The following MSRB3 variants were observed in gnomAD, a reference collection of about 807,000 sequenced individuals.
MSRB3 encodes methionine sulfoxide reductase B3, also known as methionine-R-sulfoxide reductase B3.
MSRB3 carries 13 observed loss-of-function variants against 21.0 expected under a neutral mutation model. The ratio of observed to expected loss-of-function variants is 0.62; its 90% CI spans 0.40 to 0.98. The LOEUF (loss-of-function observed/expected upper bound fraction) is 0.98. Among genes scored for constraint, MSRB3 ranks in the 50% least tolerant of loss-of-function variants. The pLI is 0.00. For synonymous variants in MSRB3, 87 were observed against 88.6 expected, an observed-to-expected ratio of 0.98 and a Z score of 0.10; for missense variants, 199 against 230.3, an observed-to-expected ratio of 0.86 and a Z score of 0.88.
At chr12:65,381,949 G>A (rs1878960777) in intron 5 of MSRB3, among the ~76,000 whole-genome samples, 1 of 151,850 alleles carries the variant, frequency 6.6e-6, no homozygotes, top group East Asian at 1.9e-4. Flanking sequence ...ATATATTTAA[G>A]ATGTATAATT....
intron 5 of MSRB3, chr12:65,418,582 C>G: frequency 1.8e-6 from 1 of 560,942 alleles, no homozygotes; most frequent in South Asian, 2.4e-5. Context: ...TGTCATGGAG[C>G]TTTTCCCTGT....
chr12:65,401,797 C>A (rs1880141221), intron 5 of MSRB3, among the ~76,000 whole-genome samples: 1 of 152,156 alleles, frequency 6.6e-6, no homozygotes, highest in Admixed American at 6.5e-5. Context: ...TCTTATAAGG[C>A]AAGCCTGGTG....
intron 4 of MSRB3, among the ~76,000 whole-genome samples, chr12:65,366,114 T>C (rs1877997067): frequency 6.6e-6 from 1 of 152,164 alleles, no homozygotes; most frequent in South Asian, 2.1e-4. Context: ...CCCCAGGTGC[T>C]CTCAGCCACT....
At chr12:65,429,967 G>A (rs527348038) in intron 5 of MSRB3, among the ~76,000 whole-genome samples, 15 of 152,282 alleles carry the variant, frequency 9.9e-5, no homozygotes, top group African/African-American at 3.4e-4. Context: ...CAGAAAGTTA[G>A]TGTAGAATCC....
chr12:65,455,829 C>T (rs559403642), intron 6 of MSRB3, among the ~76,000 whole-genome samples: 7 of 152,182 alleles, frequency 4.6e-5, no homozygotes, highest in Admixed American at 2.0e-4. Context: ...CTCCACCCGC[C>T]GAGCTCAAGC....
intron 6 of MSRB3, 108 bp downstream of exon 6, chr12:65,453,933 A>T: frequency 1.1e-6 from 1 of 905,018 alleles, no homozygotes; most frequent in Non-Finnish European, 1.8e-6. Flanking sequence ...ACAGACAAGC[A>T]TGACGAAGTT....
chr12:65,401,215 A>G (rs1251074159), intron 5 of MSRB3, among the ~76,000 whole-genome samples: 1 of 152,084 alleles, frequency 6.6e-6, no homozygotes, highest in Non-Finnish European at 1.5e-5. Flanking sequence ...TGGGGTGTTA[A>G]TGTCTCCCAC....
intron 4 of MSRB3, among the ~76,000 whole-genome samples, chr12:65,335,368 G>A (rs1225410340): frequency 6.6e-6 from 1 of 152,146 alleles, no homozygotes; most frequent in Non-Finnish European, 1.5e-5. Context: ...ATTTCAAATG[G>A]AACTCTGCTG....
intron 2 of MSRB3, among the ~76,000 whole-genome samples, chr12:65,320,812 A>C (rs1394312034): frequency 6.6e-6 from 1 of 152,210 alleles, no homozygotes; most frequent in Non-Finnish European, 1.5e-5. Context: ...TCCTGGTTTA[A>C]AAGCATATGT....
At chr12:65,393,630 C>CAAAA (rs59417371) in intron 5 of MSRB3, among the ~76,000 whole-genome samples, 2 of 90,662 alleles carry the variant, frequency 2.2e-5, no homozygotes, top group Non-Finnish European at 4.3e-5. Flanking sequence ...GACTCCGTCG[C>CAAAA]AAAAAAAAAA....
chr12:65,454,093 G>A (rs559212656), intron 6 of MSRB3: 147 of 617,344 alleles, frequency 2.4e-4, no homozygotes, highest in African/African-American at 1.9e-3. Context: ...AGACGAGTCC[G>A]GGCAACCTAG....
At position 65,419,425 on chromosome 12, in the gene MSRB3, A is replaced by G. The variant is rs192579705; in HGVS notation, c.293-34303A>G. ...CTTGAGAGTCTCGATCTCTGTCTTC[A>G]GCTGCAGCTGAGTGACACTGGTGTC... On this transcript the variant is annotated intron_variant, in intron 5 of 6. Transcript: ENST00000308259. The G allele has an allele frequency of 5.5e-5, 41 of 748,952 alleles. No individual in the cohort carries two copies. The East Asian group carries it at 5.9e-4, about 11-fold the overall frequency. 46.4% of individuals were successfully genotyped at this position (748,952 alleles called of 1,614,324 possible).
intron 5 of MSRB3, among the ~76,000 whole-genome samples, chr12:65,402,904 A>T (rs1592603691): frequency 2.0e-5 from 3 of 152,090 alleles, no homozygotes; most frequent in Non-Finnish European, 4.4e-5. Context: ...TCCACTCCAG[A>T]CCCTGTTTGC....
At chr12:65,394,852 G>A (rs1425105294) in intron 5 of MSRB3, among the ~76,000 whole-genome samples, 1 of 152,152 alleles carries the variant, frequency 6.6e-6, no homozygotes, top group Non-Finnish European at 1.5e-5. Context: ...AAAAGTATTT[G>A]ACAAAACCTG....
At chr12:65,300,724 G>A (rs1415268396) in intron 1 of MSRB3, among the ~76,000 whole-genome samples, 1 of 152,142 alleles carries the variant, frequency 6.6e-6, no homozygotes, top group Non-Finnish European at 1.5e-5. Context: ...GTTCACTGTG[G>A]TTCAGATGGG....
chr12:65,428,803 G>A (rs931981726), intron 5 of MSRB3, among the ~76,000 whole-genome samples: 2 of 152,094 alleles, frequency 1.3e-5, no homozygotes, highest in African/African-American at 2.4e-5. Flanking sequence ...TTTAGAAAAC[G>A]CTAAACTAAT....
Position 65,308,523 on chromosome 12 carries a change from A to C in MSRB3, c.-51-6A>C. The C allele has an allele frequency of 6.2e-7, 1 of 1,613,444 alleles. No individual in the cohort carries two copies. On this transcript the variant is annotated splice_region_variant and splice_polypyrimidine_tract_variant and intron_variant, in intron 1 of 6. Transcript: ENST00000308259. ...GATTTTTGTTTTTGTTTTTTCTCCT[A>C]CTCAGCTCTTGCCCCTGTTCTTTGC...
intron 1 of MSRB3, among the ~76,000 whole-genome samples, chr12:65,296,123 A>G (rs373475720): frequency 8.5e-5 from 13 of 152,232 alleles, no homozygotes; most frequent in African/African-American, 2.7e-4. Context: ...GATTCATTGA[A>G]ATAGTTGGTC....
chr12:65,332,388 G>T (rs1389441947), intron 4 of MSRB3, among the ~76,000 whole-genome samples: 1 of 151,936 alleles, frequency 6.6e-6, no homozygotes, highest in East Asian at 1.9e-4. Context: ...TTAACTAGAG[G>T]AACCGTATGA....
Sources: allele counts gnomAD v4.1 joint callset (sites outside exome capture counted in the v4.1 genomes callset), GRCh38; gene constraint gnomAD v4.1.1; transcripts MANE v1.5; gene names NCBI Gene and HGNC (gene_info 2026-07-23, HGNC 2026-07-21).